PSME4: variants seen among roughly 807,000 people sequenced by gnomAD.
PSME4 encodes proteasome activator complex subunit 4.
In PSME4, 89 loss-of-function variants were observed where a neutral mutation model predicts 253.9. That is an observed-to-expected ratio of 0.35 (90% CI 0.30 to 0.42). PSME4 has a LOEUF of 0.42. Among genes scored for constraint, PSME4 ranks in the 10% least tolerant of loss-of-function variants. The probability of loss-of-function intolerance (pLI) is 1.00; values close to 1 mark genes in which losing one functional copy is unlikely to be tolerated. For missense variants in PSME4, 2,014 were observed against 2,195.2 expected (o/e 0.92, Z 1.65); for synonymous variants, 851 against 759.2 (o/e 1.12, Z -1.99).
At chr2:53,893,945 T>C in intron 34 of PSME4, 146 bp from the exon 35 acceptor site, 2 of 1,297,164 alleles carry the variant, frequency 1.5e-6, no homozygotes, top group Non-Finnish European at 2.0e-6. Flanking sequence ...TAGACTACAG[T>C]GATTTCTAAA....
At chr2:53,875,506 T>C in intron 42 of PSME4, 121 bp downstream of exon 42, 2 of 976,146 alleles carry the variant, frequency 2.0e-6, no homozygotes, top group Non-Finnish European at 2.9e-6. Flanking sequence ...ATGTCTTCTC[T>C]TATACTAAAA....
At chr2:53,903,877 A>AAT (rs139699275) in intron 27 of PSME4, 148 bp downstream of exon 27, 8,617 of 630,602 alleles carry the variant, frequency 0.014, 103 homozygotes, top group Non-Finnish European at 0.018. Context: ...ATTAAAAAAA[A>AAT]GAACAGATAT....
At chr2:53,875,817 C>T in intron 41 of PSME4, 62 bp from the exon 42 acceptor site, 8 of 1,450,958 alleles carry the variant, frequency 5.5e-6, no homozygotes, top group Non-Finnish European at 7.5e-6. Flanking sequence ...ACAAAGGCAT[C>T]CTACATGAGA....
chr2:53,932,732 T>C lies in PSME4; in HGVS notation c.986A>G (p.His329Arg), dbSNP rs1221477956. The change falls in exon 9 of 47, where the codon CAC becomes CGC. Residue 329 changes from histidine (H) to arginine (R), a missense_variant. Around this residue, in one of 4 missense-constraint regions of PSME4, gnomAD observed 615 missense variants for 594.4 expected, o/e 1.03. Transcript: ENST00000404125. The stretch of plus-strand genomic sequence containing the variant: ...GATGCTGTTAAACAAACCAGCTAAG[T>C]GTTTTTGCACTAGCTTACTTGGTCC... ...MGGPSKLVQK[H>R]LAGLFNSITS... The C allele has an allele frequency of 2.5e-6, 4 of 1,613,880 alleles. No individual in the cohort carries two copies. The highest frequency in any genetic ancestry group is 3.4e-6 in the Non-Finnish European group (4 of 1,179,748).
intron 41 of PSME4, among the ~76,000 whole-genome samples, chr2:53,881,811 C>T (rs1303964306): frequency 2.6e-5 from 4 of 151,948 alleles, no homozygotes; most frequent in East Asian, 1.9e-4. Flanking sequence ...CTCAAACTCC[C>T]GATCTCAAGT....
In PSME4 at chr2:53,887,295, C is replaced by A. The variant is rs1558653360; in HGVS notation, c.4693G>T (p.Asp1565Tyr). 5 of 1,614,018 alleles carry A rather than the reference C, an allele frequency of 3.1e-6. No homozygotes were observed. Among genetic ancestry groups the A allele is most frequent in the Non-Finnish European group, 3.4e-6 (4 of 1,179,922 alleles). The change falls in exon 40 of 47, where the codon GAT becomes TAT. Residue 1565 changes from aspartate to tyrosine, a missense_variant. By Grantham distance (160) the Asp-to-Tyr change is radical. Transcript: ENST00000404125. The part of the protein sequence containing the change: ...VMEENGIGEE[D>Y]ERTQGIKLLK... The stretch of plus-strand genomic sequence containing the variant: ...AGTTTAATGCCCTGAGTTCGCTCAT[C>A]TTCTTCACCAATTCCATTTTCTTCC...
At chr2:53,923,507 G>C (rs959197786) in intron 14 of PSME4, 88 bp from the exon 15 acceptor site, 3 of 1,414,140 alleles carry the variant, frequency 2.1e-6, no homozygotes, top group African/African-American at 1.5e-5. Context: ...AATATATTTA[G>C]ACAATTCCAA....
In PSME4 at chr2:53,887,466, C is replaced by T; in HGVS notation, c.4522G>A (p.Val1508Met). ...TCTATCATGAATATGTAGGTCAGCA[C>T]ACTGCAAAATAAAATACTTAATAAT... ...YKNVRERIGS[V>M]LTYIFMIDVS... Residue 1508 changes from valine (V) to methionine (M), a missense_variant and splice_region_variant, in exon 40 of 47, where the codon GTG becomes ATG. Coordinates refer to ENST00000404125, the MANE Select transcript of PSME4 (RefSeq NM_014614.3). 6.2e-7 allele frequency: 1 copy of T among 1,608,998 alleles called. No individual in the cohort carries two copies. The highest frequency in any genetic ancestry group is 8.5e-7 in the Non-Finnish European group (1 of 1,176,342).
At chr2:53,927,706 G>C (rs1401136915) in intron 11 of PSME4, among the ~76,000 whole-genome samples, 1 of 152,142 alleles carries the variant, frequency 6.6e-6, no homozygotes, top group African/African-American at 2.4e-5. Context: ...CAACACTTTG[G>C]GAGGCTGAGG....
Position 53,865,233 on chromosome 2 carries a change from T to C in PSME4, c.*345A>G, listed in dbSNP as rs779767522. 6 of 152,646 alleles carry C rather than the reference T, an allele frequency of 3.9e-5. No individual in the cohort carries two copies. The highest frequency in any genetic ancestry group is 7.3e-5 in the Non-Finnish European group (5 of 68,046). 9.5% of individuals were successfully genotyped at this position (152,646 alleles called of 1,614,324 possible). A position where few individuals can be genotyped will look rare whatever the true frequency, so the allele number is the denominator to read the frequency against. On this transcript the variant is annotated 3_prime_UTR_variant, in exon 47 of 47. Coordinates refer to ENST00000404125, the MANE Select transcript of PSME4 (RefSeq NM_014614.3). ...ACAGGACCTGTATTACAGATGGGTA[T>C]TCTCCATTCCAAGTAAACTGTTTCT...
At chr2:53,912,958 T>C (rs911096382) in intron 20 of PSME4, among the ~76,000 whole-genome samples, 9 of 152,312 alleles carry the variant, frequency 5.9e-5, no homozygotes, top group Admixed American at 5.9e-4. Flanking sequence ...GGCACTGTCT[T>C]ACAGATCTAT....
At chr2:53,928,558 T>A (rs1216995072) in intron 10 of PSME4, among the ~76,000 whole-genome samples, 1 of 152,216 alleles carries the variant, frequency 6.6e-6, no homozygotes, top group Admixed American at 6.5e-5. Context: ...ACATAACTTC[T>A]ATTACACTGA....
At chr2:53,932,402 T>C (rs1359596066) in intron 9 of PSME4, among the ~76,000 whole-genome samples, 1 of 152,176 alleles carries the variant, frequency 6.6e-6, no homozygotes, top group Non-Finnish European at 1.5e-5. Context: ...AGGATAAAAC[T>C]GAAAAGATGG....
intron 34 of PSME4, 98 bp from the exon 35 acceptor site, chr2:53,893,897 C>G: frequency 7.1e-7 from 1 of 1,417,150 alleles, no homozygotes; most frequent in Non-Finnish European, 9.2e-7. Context: ...TAGTCAAAAG[C>G]AGGCTGTATT....
chr2:53,889,999 C>T (rs958241117), intron 37 of PSME4, 105 bp downstream of exon 37: 29 of 904,078 alleles, frequency 3.2e-5, no homozygotes, highest in South Asian at 3.1e-4. Flanking sequence ...AAAAACAAAA[C>T]CCAAAAAGAT....
chr2:53,887,758 C>T lies in PSME4; in HGVS notation c.4520+100G>A, dbSNP rs1397484761. The T allele has an allele frequency of 2.8e-5, 38 of 1,349,210 alleles. No homozygotes were observed. The Admixed American group carries it at 9.4e-4, about 33-fold the overall frequency. The allele number at this position is 1,349,210 out of a possible 1,614,324, so 83.6% of individuals were successfully genotyped here. The stretch of plus-strand genomic sequence containing the variant: ...ACAATTTGAGAAAGACACCATGAAA[C>T]CCACTGACAACATAACCAGCATGTA... On this transcript the variant is annotated intron_variant, in intron 39 of 46. Transcript: ENST00000404125.
rs1395011222 is a variant in PSME4 at position 53,898,149 on chromosome 2, T to A, written c.3477-150A>T. ...TGCTCCTATCATTAATCCCAAACTT[T>A]CCCTCCATCTCTTTTCCTCTTAATC... On this transcript the variant is annotated intron_variant, in intron 30 of 46. Transcript: ENST00000404125. 16 of 1,160,722 alleles carry A rather than the reference T, an allele frequency of 1.4e-5. No homozygotes were observed. The highest frequency in any genetic ancestry group is 1.9e-5 in the Non-Finnish European group (16 of 828,002). The allele number at this position is 1,160,722 out of a possible 1,614,324, so 71.9% of individuals were successfully genotyped here. A position where few individuals can be genotyped will look rare whatever the true frequency, so the allele number is the denominator to read the frequency against.
rs142089242 is a variant in PSME4, at chr2:53,908,331, T to A, written c.2773A>T (p.Met925Leu). The A allele has an allele frequency of 1.9e-6, 3 of 1,610,590 alleles. No homozygotes were observed. The highest frequency in any genetic ancestry group is 2.5e-6 in the Non-Finnish European group (3 of 1,177,692). The part of the protein sequence containing the change: ...WKSFNLVKKS[M>L]ENRLHGKKQH... ...GTGAAAATACTGACCCGATTTTCCATTGATTTCTTTACTAAGTTGAAGCTT... is the reference window on the plus strand; with the variant it reads ...GTGAAAATACTGACCCGATTTTCCAATGATTTCTTTACTAAGTTGAAGCTT... Residue 925 changes from methionine (M) to leucine (L), a missense_variant, in exon 24 of 47, where the codon ATG becomes TTG. Transcript: ENST00000404125.
At chr2:53,934,837 G>A in intron 7 of PSME4, 110 bp from the exon 8 acceptor site, 5 of 847,104 alleles carry the variant, frequency 5.9e-6, no homozygotes, top group Non-Finnish European at 8.8e-6. Flanking sequence ...TTTATCACAA[G>A]GGTTTTTAAG....
Sources: allele counts gnomAD v4.1 joint callset (sites outside exome capture counted in the v4.1 genomes callset), GRCh38; gene constraint gnomAD v4.1.1; regional missense constraint gnomAD v4.1.1; transcripts MANE v1.5; gene names NCBI Gene and HGNC (gene_info 2026-07-23, HGNC 2026-07-21).